TENM2: variants seen among roughly 807,000 people sequenced by gnomAD.
The protein encoded by TENM2 is teneurin-2.
A neutral mutation model predicts 245.2 loss-of-function variants in TENM2; 52 were observed. The observed-to-expected ratio is 0.21, with a 90% confidence interval of 0.17 to 0.27. The LOEUF (loss-of-function observed/expected upper bound fraction) is 0.27. TENM2 is among the 10% of genes least tolerant of loss of function. The pLI, the probability that TENM2 is intolerant of heterozygous loss-of-function variation, is 1.00. For synonymous variants in TENM2, 1,363 were observed against 1,438.9 expected (o/e 0.95, Z 1.19); for missense variants, 3,046 against 3,666.8 (o/e 0.83, Z 4.37).
intron 18 of TENM2, 117 bp from the exon 21 acceptor site, chr5:168,204,255 G>A: frequency 8.9e-7 from 1 of 1,117,356 alleles, no homozygotes; most frequent in Non-Finnish European, 1.2e-6. Flanking sequence ...AGAAGTTGGA[G>A]AGCTCCCCGA....
intron 2 of TENM2, among the ~76,000 whole-genome samples, chr5:167,603,860 A>G (rs1428720744): frequency 6.6e-6 from 1 of 152,168 alleles, no homozygotes; most frequent in Non-Finnish European, 1.5e-5. Context: ...TACAACATAG[A>G]GTGAAAATGA....
intron 2 of TENM2, among the ~76,000 whole-genome samples, chr5:167,693,219 G>A (rs1045215286): frequency 1.3e-5 from 2 of 152,000 alleles, no homozygotes; most frequent in African/African-American, 4.8e-5. Context: ...TTCCACTGCC[G>A]CAATTGCCGT....
At chr5:167,573,182 AACT>A (rs1156552951) in intron 2 of TENM2, among the ~76,000 whole-genome samples, 2 of 152,132 alleles carry the variant, frequency 1.3e-5, no homozygotes, top group Non-Finnish European at 2.9e-5. Flanking sequence ...CTGCCAGTAA[AACT>A]ACATTGCAAA....
At chr5:167,279,101 T>C in the TENM2 span, among the ~76,000 whole-genome samples, 4 of 152,222 alleles carry the variant, frequency 2.6e-5, no homozygotes, top group African/African-American at 4.8e-5. Context: ...AAATGTTTGC[T>C]ACTTTCTAAT....
chr5:167,229,623 A>C, the TENM2 span, among the ~76,000 whole-genome samples: 1 of 152,146 alleles, frequency 6.6e-6, no homozygotes, highest in African/African-American at 2.4e-5. Context: ...TTGACCTCAG[A>C]GCCCAAGGGA....
chr5:168,038,941 G>C (rs1787942091), intron 5 of TENM2, among the ~76,000 whole-genome samples: 1 of 152,166 alleles, frequency 6.6e-6, no homozygotes, highest in African/African-American at 2.4e-5. Flanking sequence ...CTCACTGGGA[G>C]CAGTTTGTTG....
chr5:167,602,466 A>C (rs1301907422), intron 2 of TENM2, among the ~76,000 whole-genome samples: 2 of 152,134 alleles, frequency 1.3e-5, no homozygotes, highest in Non-Finnish European at 2.9e-5. Context: ...GCAAAGAAAA[A>C]ATATTTCTCT....
At chr5:167,038,697 G>T in the TENM2 span, among the ~76,000 whole-genome samples, 4 of 152,158 alleles carry the variant, frequency 2.6e-5, no homozygotes, top group Non-Finnish European at 5.9e-5. Flanking sequence ...GCCAAGACTA[G>T]TTTCTTTTCA....
At chr5:168,064,993 G>A (rs1470945935) in intron 7 of TENM2, among the ~76,000 whole-genome samples, 1 of 152,184 alleles carries the variant, frequency 6.6e-6, no homozygotes, top group Non-Finnish European at 1.5e-5. Flanking sequence ...TGCGGGGATA[G>A]GCGACTGACG....
At chr5:168,257,490 G>A (rs777899728) in intron 27 of TENM2, among the ~76,000 whole-genome samples, 8 of 152,230 alleles carry the variant, frequency 5.3e-5, no homozygotes, top group Non-Finnish European at 1.0e-4. Flanking sequence ...CATGGGAGAT[G>A]TGGTCAGACA....
At chr5:167,668,753 T>C (rs1348958276) in intron 2 of TENM2, among the ~76,000 whole-genome samples, 1 of 152,056 alleles carries the variant, frequency 6.6e-6, no homozygotes, top group East Asian at 1.9e-4. Context: ...TTAGGAGTTC[T>C]AAACCAGCCT....
chr5:167,533,197 T>G (rs1025219193), intron 2 of TENM2, among the ~76,000 whole-genome samples: 3 of 152,004 alleles, frequency 2.0e-5, no homozygotes, highest in Non-Finnish European at 2.9e-5. Context: ...TGGGTAAAAA[T>G]GTTTATGAAA....
intron 1 of TENM2, among the ~76,000 whole-genome samples, 193 bp from the exon 4 acceptor site, chr5:167,375,001 ACTTT>A (rs1561905059): frequency 6.6e-6 from 1 of 151,998 alleles, no homozygotes; most frequent in Non-Finnish European, 1.5e-5. Context: ...ATCGATATTT[ACTTT>A]CTTTCTTTTG....
At chr5:167,861,009 C>T (rs1428337342) in intron 2 of TENM2, among the ~76,000 whole-genome samples, 3 of 124,480 alleles carry the variant, frequency 2.4e-5, no homozygotes, top group Non-Finnish European at 5.0e-5. Flanking sequence ...GCCAAATCCC[C>T]CTCTGTGAGA....
intron 3 of TENM2, 78 bp downstream of exon 5, chr5:167,876,273 T>C: frequency 4.9e-6 from 6 of 1,236,458 alleles, no homozygotes; most frequent in Middle Eastern, 1.9e-4. Context: ...ATGACAATGC[T>C]GAAACAAGGG....
chr5:167,248,634 G>A, the TENM2 span, among the ~76,000 whole-genome samples: 1 of 152,150 alleles, frequency 6.6e-6, no homozygotes, highest in African/African-American at 2.4e-5. Flanking sequence ...TGCTGTGTGT[G>A]TGTGTTGGTG....
At chr5:167,313,817 A>G (rs1413524253) in intron 1 of TENM2, among the ~76,000 whole-genome samples, 1 of 152,228 alleles carries the variant, frequency 6.6e-6, no homozygotes, top group Non-Finnish European at 1.5e-5. Flanking sequence ...CCAAATAATT[A>G]GTACTAAAGT....
chr5:167,952,151 G>A (rs990288515), intron 3 of TENM2, among the ~76,000 whole-genome samples: 16 of 152,008 alleles, frequency 1.1e-4, no homozygotes, highest in Non-Finnish European at 1.5e-5. Flanking sequence ...ACTATTCCCT[G>A]ACTTAGAGTG....
chr5:167,001,134 C>G, the TENM2 span, among the ~76,000 whole-genome samples: 1 of 152,056 alleles, frequency 6.6e-6, no homozygotes, highest in Non-Finnish European at 1.5e-5. Flanking sequence ...TTACACTTTT[C>G]TAACTGAAAA....
Sources: gnomAD v4.1 joint callset for allele counts (sites outside exome capture counted in the v4.1 genomes callset) on GRCh38, gnomAD v4.1.1 for gene constraint, MANE v1.5 for transcripts, NCBI Gene and HGNC (gene_info 2026-07-23, HGNC 2026-07-21) for gene names.